The following NCKAP5 variants were observed in gnomAD, a reference collection of about 807,000 sequenced individuals.
NCKAP5 encodes the protein nck-associated protein 5.
A neutral mutation model predicts 167.0 loss-of-function variants in NCKAP5; 92 were observed. That is an observed-to-expected ratio of 0.55 (90% confidence interval 0.47 to 0.66). NCKAP5 has a LOEUF of 0.66. NCKAP5 is among the 30% of genes least tolerant of loss of function. The probability of loss-of-function intolerance (pLI) is 0.00; values close to 1 mark genes in which losing one functional copy is unlikely to be tolerated. For missense variants in NCKAP5, 2,378 were observed against 2,315.0 expected, an observed-to-expected ratio of 1.03 and a Z score of -0.56; for synonymous variants, 891 against 877.4, an observed-to-expected ratio of 1.02 and a Z score of -0.27.
At chr2:132,705,401 C>A (rs1052577091) in intron 19 of NCKAP5, among the ~76,000 whole-genome samples, 2 of 152,086 alleles carry the variant, frequency 1.3e-5, no homozygotes, top group Non-Finnish European at 2.9e-5. Context: ...ATCAGACTAC[C>A]CCTATCATTC....
chr2:132,815,268 T>A (rs1558813730), intron 11 of NCKAP5, among the ~76,000 whole-genome samples: 1 of 152,192 alleles, frequency 6.6e-6, no homozygotes. Flanking sequence ...AGAAATTGGT[T>A]ATGGATCTAT....
chr2:132,865,278 A>T (rs566904151), intron 10 of NCKAP5, among the ~76,000 whole-genome samples: 1 of 152,210 alleles, frequency 6.6e-6, no homozygotes, highest in East Asian at 1.9e-4. Context: ...GGCAAAATAC[A>T]TACTGCAAGT....
chr2:132,942,262 A>C (rs1262727579), intron 8 of NCKAP5, among the ~76,000 whole-genome samples: 1 of 152,196 alleles, frequency 6.6e-6, no homozygotes, highest in Non-Finnish European at 1.5e-5. Flanking sequence ...AATTTAGATA[A>C]GTGATTCTGA....
intron 8 of NCKAP5, among the ~76,000 whole-genome samples, chr2:132,890,128 TC>T (rs1692575160): frequency 6.6e-6 from 1 of 152,154 alleles, no homozygotes. Context: ...AAAAGGTATT[TC>T]TCTAAAATAC....
At chr2:133,518,035 A>G (rs1448960355) in intron 2 of NCKAP5, among the ~76,000 whole-genome samples, 1 of 152,186 alleles carries the variant, frequency 6.6e-6, no homozygotes. Context: ...TGAAACATGA[A>G]CATTGTTTAA....
At chr2:132,916,958 G>A (rs772132376) in intron 8 of NCKAP5, among the ~76,000 whole-genome samples, 9 of 152,168 alleles carry the variant, frequency 5.9e-5, no homozygotes, top group Admixed American at 2.6e-4. Flanking sequence ...AAAATTGATG[G>A]AAGTGCCAGA....
chr2:133,153,077 TA>T (rs753490905), intron 5 of NCKAP5, among the ~76,000 whole-genome samples: 12 of 152,318 alleles, frequency 7.9e-5, no homozygotes, highest in Non-Finnish European at 1.5e-4. Context: ...TTGGCAAAGT[TA>T]AAACCATAGA....
At chr2:133,179,149 C>A (rs2150027027) in intron 5 of NCKAP5, among the ~76,000 whole-genome samples, 2 of 151,108 alleles carry the variant, frequency 1.3e-5, no homozygotes, top group East Asian at 1.9e-4. Context: ...CCCCAAAAAA[C>A]AAAAGAAAGC....
chr2:132,723,111 G>A (rs1690093873), intron 19 of NCKAP5, among the ~76,000 whole-genome samples: 1 of 150,842 alleles, frequency 6.6e-6, no homozygotes, highest in African/African-American at 2.4e-5. Flanking sequence ...ACAGGCATGA[G>A]CCACCATGCC....
chr2:133,144,887 T>C (rs1458521033), intron 5 of NCKAP5, among the ~76,000 whole-genome samples: 1 of 152,092 alleles, frequency 6.6e-6, no homozygotes, highest in Non-Finnish European at 1.5e-5. Flanking sequence ...ATTATACAAG[T>C]CACTTTAACT....
chr2:132,870,957 T>A (rs376134167), intron 9 of NCKAP5, among the ~76,000 whole-genome samples: 43 of 152,080 alleles, frequency 2.8e-4, no homozygotes, highest in African/African-American at 9.9e-4. Context: ...ACAAGAAGGA[T>A]TTTTTTCCCA....
intron 11 of NCKAP5, among the ~76,000 whole-genome samples, chr2:132,841,467 G>A (rs189375697): frequency 1.3e-5 from 2 of 152,094 alleles, no homozygotes; most frequent in East Asian, 3.9e-4. Flanking sequence ...AATGTGTAAA[G>A]GAATACAGTT....
chr2:132,938,035 C>T (rs1186204562), intron 8 of NCKAP5, among the ~76,000 whole-genome samples: 1 of 152,220 alleles, frequency 6.6e-6, no homozygotes, highest in Admixed American at 6.5e-5. Context: ...CTATTCTATC[C>T]TCTGAGCTTT....
intron 11 of NCKAP5, among the ~76,000 whole-genome samples, chr2:132,857,574 G>C (rs1416016332): frequency 6.6e-6 from 1 of 152,158 alleles, no homozygotes; most frequent in African/African-American, 2.4e-5. Flanking sequence ...GTTCAAATGA[G>C]CTTAGTTAGG....
At chr2:133,414,666 T>A (rs537583962) in intron 3 of NCKAP5, among the ~76,000 whole-genome samples, 1 of 152,318 alleles carries the variant, frequency 6.6e-6, no homozygotes, top group South Asian at 2.1e-4. Flanking sequence ...CACCTCTCAC[T>A]ATGCACATTC....
At chr2:133,143,632 G>A (rs973674578) in intron 5 of NCKAP5, among the ~76,000 whole-genome samples, 2 of 152,010 alleles carry the variant, frequency 1.3e-5, no homozygotes, top group Non-Finnish European at 2.9e-5. Flanking sequence ...AAGTCACAAA[G>A]TAATTCCAGG....
chr2:133,470,244 C>T (rs941690555), intron 3 of NCKAP5, among the ~76,000 whole-genome samples: 3 of 152,058 alleles, frequency 2.0e-5, no homozygotes, highest in Admixed American at 1.3e-4. Context: ...GGACCCTCAG[C>T]TGCAGGTCTG....
chr2:132,725,476 C>T (rs961670570), intron 19 of NCKAP5, 151 bp downstream of exon 19: 7 of 920,062 alleles, frequency 7.6e-6, no homozygotes, highest in Non-Finnish European at 1.1e-5. Context: ...CATAGACAAT[C>T]TTCTGTATGT....
chr2:133,106,971 C>T (rs963294465), intron 6 of NCKAP5, among the ~76,000 whole-genome samples: 3 of 152,274 alleles, frequency 2.0e-5, no homozygotes, highest in East Asian at 1.9e-4. Context: ...TCTTTTCTAA[C>T]GTGAATCTTT....
Sources: gnomAD v4.1 joint callset for allele counts (sites outside exome capture counted in the v4.1 genomes callset) on GRCh38, gnomAD v4.1.1 for gene constraint, MANE v1.5 for transcripts, NCBI Gene and HGNC (gene_info 2026-07-23, HGNC 2026-07-21) for gene names.